CDH4: variants seen among roughly 807,000 people sequenced by gnomAD.
The protein encoded by CDH4 is cadherin 4, also known as cadherin-4.
Under a neutral mutation model 86.0 loss-of-function variants are expected in CDH4, and 33 were observed. The ratio of observed to expected loss-of-function variants is 0.38; its 90% CI spans 0.29 to 0.51. The LOEUF (loss-of-function observed/expected upper bound fraction) is 0.51, where lower values mean the gene tolerates loss of function less well. CDH4 is among the 20% of genes least tolerant of loss of function. CDH4 has a pLI of 0.86. For synonymous variants in CDH4, 555 were observed against 549.4 expected (o/e 1.01, Z -0.14); for missense variants, 1,114 against 1,307.4 (o/e 0.85, Z 2.28).
intron 2 of CDH4, among the ~76,000 whole-genome samples, chr20:61,498,016 A>G (rs1266497391): frequency 7.3e-6 from 1 of 136,292 alleles, no homozygotes. Flanking sequence ...ATGAGAACAC[A>G]TGGACACAGG....
At chr20:61,746,168 G>C (rs190738638) in intron 3 of CDH4, among the ~76,000 whole-genome samples, 1 of 151,448 alleles carries the variant, frequency 6.6e-6, no homozygotes, top group African/African-American at 2.4e-5. Context: ...TGTCGTTTTC[G>C]TACTTTCCTG....
chr20:61,885,324 C>G (rs1984494493), intron 7 of CDH4, among the ~76,000 whole-genome samples: 4 of 152,194 alleles, frequency 2.6e-5, no homozygotes. Context: ...CTCCCCCAGC[C>G]CCTGGCAGCC....
chr20:61,410,794 C>T (rs1002400948), intron 2 of CDH4, among the ~76,000 whole-genome samples: 2 of 152,140 alleles, frequency 1.3e-5, no homozygotes, highest in African/African-American at 4.8e-5. Context: ...TCCACCCACA[C>T]ATTTGTCCTT....
At chr20:61,918,279 GGCTTGCAGTCA>G (rs1205668599) in intron 9 of CDH4, among the ~76,000 whole-genome samples, 1 of 152,236 alleles carries the variant, frequency 6.6e-6, no homozygotes, top group African/African-American at 2.4e-5. Context: ...CGTCCCTTCA[GGCTTGCAGTCA>G]GCTTGGGCTG....
intron 2 of CDH4, among the ~76,000 whole-genome samples, chr20:61,313,319 G>A (rs1403153370): frequency 6.6e-6 from 1 of 152,230 alleles, no homozygotes; most frequent in Non-Finnish European, 1.5e-5. Context: ...AGCAGGGAGG[G>A]TTCTGGAGCT....
intron 2 of CDH4, among the ~76,000 whole-genome samples, chr20:61,634,286 G>T (rs1298033722): frequency 6.6e-6 from 1 of 152,100 alleles, no homozygotes; most frequent in Non-Finnish European, 1.5e-5. Flanking sequence ...GCTCATTTAC[G>T]CACTGAACAC....
rs1380660508 is a variant in CDH4 at position 61,269,320 on chromosome 20, C to T, written c.169+14383C>T. ...AGCCTTCAGAGCCCAACCCTCCACC[C>T]CATCCTCTGTATCACCTTGGAACCA... On this transcript the variant is annotated intron_variant, in intron 2 of 15. Coordinates refer to ENST00000614565, the MANE Select transcript of CDH4 (RefSeq NM_001794.5). The surrounding 1 kb of genome is among the most constrained non-coding windows in gnomAD (Gnocchi z 5.3). 6.6e-6 allele frequency among the ~76,000 whole-genome samples: 1 copy of T among 152,184 alleles called. No individual in the cohort carries two copies.
At chr20:61,600,640 C>G (rs1401079331) in intron 2 of CDH4, among the ~76,000 whole-genome samples, 1 of 152,174 alleles carries the variant, frequency 6.6e-6, no homozygotes, top group African/African-American at 2.4e-5. Flanking sequence ...ATTCCAGGCC[C>G]GCCCCCAGGG....
At chr20:61,897,488 CACCAGCACTG>C (rs1206505648) in intron 8 of CDH4, among the ~76,000 whole-genome samples, 8 of 152,146 alleles carry the variant, frequency 5.3e-5, no homozygotes, top group Middle Eastern at 6.8e-3. Context: ...AATGACCAGC[CACCAGCACTG>C]ACCAGCACTA....
At chr20:61,808,200 A>G (rs57813791) in intron 4 of CDH4, among the ~76,000 whole-genome samples, 1 of 151,650 alleles carries the variant, frequency 6.6e-6, no homozygotes, top group Non-Finnish European at 1.5e-5. Context: ...TGCAAGCCCC[A>G]CCCCAGCCCT....
At chr20:61,537,477 C>T (rs867222425) in intron 2 of CDH4, among the ~76,000 whole-genome samples, 3 of 152,212 alleles carry the variant, frequency 2.0e-5, no homozygotes, top group Non-Finnish European at 2.9e-5. Flanking sequence ...AGCTGGGGAC[C>T]GCAACCTCAC....
chr20:61,770,817 T>A (rs1414038877), intron 3 of CDH4, among the ~76,000 whole-genome samples: 3 of 146,620 alleles, frequency 2.0e-5, no homozygotes, highest in East Asian at 2.1e-4. Flanking sequence ...CGGGAGGCGG[T>A]GCTTGCAGTG....
At chr20:61,694,095 T>C (rs2087690998) in intron 2 of CDH4, among the ~76,000 whole-genome samples, 1 of 151,968 alleles carries the variant, frequency 6.6e-6, no homozygotes, top group Admixed American at 6.6e-5. Flanking sequence ...GGTTTTGCCA[T>C]GTTGGCCAGG....
intron 2 of CDH4, among the ~76,000 whole-genome samples, chr20:61,432,224 G>A (rs1046752938): frequency 1.3e-5 from 2 of 152,230 alleles, no homozygotes; most frequent in Non-Finnish European, 2.9e-5. Flanking sequence ...GCCTTCCAAA[G>A]TGGTTGAACC....
chr20:61,750,530 A>C (rs1266074811), intron 3 of CDH4, among the ~76,000 whole-genome samples: 1 of 152,232 alleles, frequency 6.6e-6, no homozygotes, highest in African/African-American at 2.4e-5. Context: ...CCAAGCTGTC[A>C]GGAAAAATTA....
At chr20:61,653,373 T>G (rs1355286601) in intron 2 of CDH4, among the ~76,000 whole-genome samples, 1 of 138,782 alleles carries the variant, frequency 7.2e-6, no homozygotes, top group Non-Finnish European at 1.6e-5. Context: ...GATTTCTCAA[T>G]CTTTTCCCCA....
Position 61,928,388 on chromosome 20 carries a change from C to T in CDH4, c.1970C>T (p.Ala657Val). ...YVFELPFVPAAVRKNWTITRL... is the reference protein window; with the variant it reads ...YVFELPFVPAVVRKNWTITRL... ...TTCGAGCTGCCCTTTGTCCCGGCGG[C>T]CGTGCGGAAGAACTGGACCATCACC... The change falls in exon 12 of 16, where the codon GCC (alanine) becomes GTC (valine). Residue 657 changes from alanine to valine, a missense_variant. This residue lies in a region of CDH4 where 705 missense variants were observed against 914.1 expected (regional missense o/e 0.77). Coordinates refer to ENST00000614565, the MANE Select transcript of CDH4 (RefSeq NM_001794.5). 6.2e-7 allele frequency: 1 copy of T among 1,611,880 alleles called. No individual in the cohort carries two copies.
At chr20:61,790,063 A>G (rs960151032) in intron 4 of CDH4, among the ~76,000 whole-genome samples, 14 of 152,134 alleles carry the variant, frequency 9.2e-5, no homozygotes, top group African/African-American at 3.4e-4. Flanking sequence ...CCTTCCAACC[A>G]TACACCCATC....
intron 6 of CDH4, among the ~76,000 whole-genome samples, chr20:61,860,103 T>C (rs1335410332): frequency 6.6e-6 from 1 of 152,250 alleles, no homozygotes; most frequent in South Asian, 2.1e-4. Context: ...AGTGACGCTG[T>C]CATTGACAGT....
Sources: allele counts gnomAD v4.1 joint callset (sites outside exome capture counted in the v4.1 genomes callset), GRCh38; gene constraint gnomAD v4.1.1; regional missense constraint gnomAD v4.1.1; non-coding constraint Gnocchi (gnomAD v3.1); transcripts MANE v1.5; gene names NCBI Gene and HGNC (gene_info 2026-07-23, HGNC 2026-07-21).